RAB40C: variants seen among roughly 807,000 people sequenced by gnomAD.
The protein encoded by RAB40C is RAB40C, member RAS oncogene family.
Under a neutral mutation model 28.1 loss-of-function variants are expected in RAB40C, and 8 were observed. The observed-to-expected ratio is 0.28, with a 90% CI of 0.17 to 0.51. The LOEUF (loss-of-function observed/expected upper bound fraction) is 0.51, where lower values mean the gene tolerates loss of function less well. RAB40C is among the 20% of genes least tolerant of loss of function. RAB40C has a pLI of 0.97. For synonymous variants in RAB40C, 201 were observed against 171.7 expected (o/e 1.17, Z -1.34); for missense variants, 288 against 405.9 (o/e 0.71, Z 2.50).
chr16:591,337 G>T (rs1370472001), intron 1 of RAB40C, among the ~76,000 whole-genome samples: 1 of 151,948 alleles, frequency 6.6e-6, no homozygotes, highest in Non-Finnish European at 1.5e-5. Context: ...TCTGGGGTCC[G>T]AGGGAAGGTG....
chr16:627,777 G>A lies in RAB40C; in HGVS notation c.*155G>A, dbSNP rs1031811904. ...TCACACCTGAGCCGGGTGCGAGGAG[G>A]AGCATGCACGGACCAAGCGCGGCAG... On this transcript the variant is annotated 3_prime_UTR_variant, in exon 6 of 6. Transcript: ENST00000248139. 1.6e-5 allele frequency: 15 copies of A among 952,336 alleles called. No individual in the cohort carries two copies. Among genetic ancestry groups the A allele is most frequent in the African/African-American group, 5.1e-5 (3 of 59,358 alleles). 59.0% of individuals were successfully genotyped at this position (952,336 alleles called of 1,614,324 possible).
chr16:611,072 A>G (rs1218333566), intron 1 of RAB40C, among the ~76,000 whole-genome samples: 1 of 152,176 alleles, frequency 6.6e-6, no homozygotes, highest in Non-Finnish European at 1.5e-5. Context: ...ACCGTGGGCA[A>G]CCGGGTGCGG....
chr16:625,665 CTG>C (rs1400663505), intron 4 of RAB40C, 156 bp downstream of exon 4: 17 of 907,732 alleles, frequency 1.9e-5, no homozygotes, highest in Non-Finnish European at 2.7e-5. Flanking sequence ...ATGCTGGTCA[CTG>C]TGCACACGAC....
intron 3 of RAB40C, among the ~76,000 whole-genome samples, chr16:622,468 C>T (rs530434956): frequency 2.6e-5 from 4 of 152,232 alleles, no homozygotes; most frequent in East Asian, 1.9e-4. Context: ...TAGAGCAGGG[C>T]GAGCGCGCGT....
At chr16:623,375 C>T (rs893357485) in intron 3 of RAB40C, among the ~76,000 whole-genome samples, 4 of 152,136 alleles carry the variant, frequency 2.6e-5, no homozygotes, top group African/African-American at 7.2e-5. Context: ...CTGGGCCGGG[C>T]GCGGTGGCTC....
At chr16:604,294 T>C (rs1045652418) in intron 1 of RAB40C, among the ~76,000 whole-genome samples, 1 of 152,198 alleles carries the variant, frequency 6.6e-6, no homozygotes, top group African/African-American at 2.4e-5. Flanking sequence ...ATTTTAGCCA[T>C]ATGTAGGGAT....
intron 1 of RAB40C, among the ~76,000 whole-genome samples, chr16:591,486 C>T (rs11649661): frequency 0.12 from 18,761 of 152,198 alleles, 1,667 homozygotes; most frequent in South Asian, 0.24. Context: ...ACGCTGTTCC[C>T]CTGAGGTATT....
At chr16:619,537 G>A (rs1009304370) in intron 3 of RAB40C, among the ~76,000 whole-genome samples, 2 of 152,214 alleles carry the variant, frequency 1.3e-5, no homozygotes, top group African/African-American at 4.8e-5. Flanking sequence ...GACCTGTCAT[G>A]GCCACTGTTG....
At chr16:618,310 G>A (rs372760746) in intron 3 of RAB40C, 50 bp downstream of exon 3, 3 of 1,523,916 alleles carry the variant, frequency 2.0e-6, no homozygotes, top group South Asian at 2.4e-5. Context: ...TGTTTCTCCT[G>A]ATTCTTTCTG....
At chr16:596,296 T>C (rs1337318289) in intron 1 of RAB40C, 2 of 455,978 alleles carry the variant, frequency 4.4e-6, no homozygotes, top group African/African-American at 2.0e-5. Context: ...CAGGTACTTT[T>C]GCCTCTTGTT....
At chr16:622,868 T>C (rs563376165) in intron 3 of RAB40C, among the ~76,000 whole-genome samples, 2 of 152,298 alleles carry the variant, frequency 1.3e-5, no homozygotes, top group African/African-American at 4.8e-5. Flanking sequence ...AAGAGTCTGT[T>C]TGTCCCGTGC....
chr16:627,288 C>T (rs1002858676), intron 5 of RAB40C, 54 bp from the exon 6 acceptor site: 15 of 1,548,184 alleles, frequency 9.7e-6, no homozygotes, highest in African/African-American at 1.4e-5. Flanking sequence ...GGTCTCCCTG[C>T]ACAGGGCCTC....
intron 1 of RAB40C, among the ~76,000 whole-genome samples, chr16:605,937 A>G (rs1035156637): frequency 2.0e-5 from 3 of 152,228 alleles, no homozygotes; most frequent in Non-Finnish European, 4.4e-5. Flanking sequence ...CCTTTTAGCC[A>G]TGCTGATGGC....
intron 1 of RAB40C, among the ~76,000 whole-genome samples, chr16:594,547 T>C (rs2036070683): frequency 6.6e-6 from 1 of 152,160 alleles, no homozygotes; most frequent in Non-Finnish European, 1.5e-5. Flanking sequence ...TTTCTTCTCA[T>C]CTGGCTTGAA....
intron 3 of RAB40C, among the ~76,000 whole-genome samples, chr16:623,312 C>T (rs1372111500): frequency 2.0e-5 from 3 of 152,206 alleles, no homozygotes; most frequent in Non-Finnish European, 4.4e-5. Context: ...TCCATATAAA[C>T]TTCTTCAGTG....
chr16:603,553 A>C (rs987518691), intron 1 of RAB40C, among the ~76,000 whole-genome samples: 1 of 152,178 alleles, frequency 6.6e-6, no homozygotes, highest in African/African-American at 2.4e-5. Flanking sequence ...CCGGTCCCCT[A>C]ATCCTTAGAC....
chr16:593,584 C>T (rs746643066), intron 1 of RAB40C, among the ~76,000 whole-genome samples: 16 of 152,258 alleles, frequency 1.1e-4, no homozygotes, highest in Non-Finnish European at 2.2e-4. Flanking sequence ...GAAGTCTTGT[C>T]TGGCATGTTC....
chr16:623,510 C>T (rs1016075615), intron 3 of RAB40C, among the ~76,000 whole-genome samples: 8 of 151,836 alleles, frequency 5.3e-5, no homozygotes, highest in East Asian at 1.9e-4. Flanking sequence ...AAAAATTAGC[C>T]GGGCATGGTG....
chr16:604,625 G>A (rs1202015188), intron 1 of RAB40C, among the ~76,000 whole-genome samples: 1 of 152,224 alleles, frequency 6.6e-6, no homozygotes, highest in Non-Finnish European at 1.5e-5. Flanking sequence ...TAGAATATAT[G>A]TGAGTCTTTC....
Sources: allele counts gnomAD v4.1 joint callset (sites outside exome capture counted in the v4.1 genomes callset), GRCh38; gene constraint gnomAD v4.1.1; transcripts MANE v1.5; gene names NCBI Gene and HGNC (gene_info 2026-07-23, HGNC 2026-07-21).